SLC67A2: variants seen among roughly 807,000 people sequenced by gnomAD.
SLC67A2 encodes solute carrier family 67 member 2.
chr2:102,734,069 G>A, the SLC67A2 span, among the ~76,000 whole-genome samples: 2 of 152,128 alleles, frequency 1.3e-5, no homozygotes, highest in Admixed American at 1.3e-4. Context: ...CGCTGCATTT[G>A]GCATCTGGTC....
At chr2:102,733,696 T>C in the SLC67A2 span, among the ~76,000 whole-genome samples, 6 of 152,144 alleles carry the variant, frequency 3.9e-5, no homozygotes, top group East Asian at 1.2e-3. Context: ...AGCCACCTAT[T>C]GAATCTTCTG....
the SLC67A2 span, among the ~76,000 whole-genome samples, chr2:102,720,872 G>A: frequency 1.3e-5 from 2 of 152,212 alleles, no homozygotes; most frequent in African/African-American, 2.4e-5. Context: ...TAGTCATTCA[G>A]GGGTAAAGGA....
the SLC67A2 span, among the ~76,000 whole-genome samples, chr2:102,728,616 A>G: frequency 6.6e-6 from 1 of 152,092 alleles, no homozygotes; most frequent in Non-Finnish European, 1.5e-5. Context: ...GAAATTCCCC[A>G]TACTCTTTTG....
At chr2:102,716,459 T>C in the SLC67A2 span, 5 of 152,228 alleles carry the variant, frequency 3.3e-5, no homozygotes, top group African/African-American at 1.2e-4. Flanking sequence ...ATTTTATATA[T>C]TAATAATAGT....
At chr2:102,718,456 A>G in the SLC67A2 span, 9 of 1,614,020 alleles carry the variant, frequency 5.6e-6, no homozygotes, top group Admixed American at 1.7e-5. Context: ...CATCACCACT[A>G]GAGTGTCGCT....
the SLC67A2 span, chr2:102,718,901 C>T: frequency 3.1e-6 from 5 of 1,614,228 alleles, no homozygotes; most frequent in Non-Finnish European, 4.2e-6. Context: ...GGGCCGCACC[C>T]CAAAGCGCTC....
chr2:102,736,773 G>C, the SLC67A2 span: 2 of 1,613,548 alleles, frequency 1.2e-6, no homozygotes, highest in Non-Finnish European at 1.7e-6. Context: ...GACCAGCCTC[G>C]GGGCCGAGTT....
At chr2:102,719,104 T>C in the SLC67A2 span, 7 of 1,614,222 alleles carry the variant, frequency 4.3e-6, no homozygotes, top group Non-Finnish European at 5.1e-6. Context: ...CCTCCTGCAC[T>C]GTGTCATGGC....
the SLC67A2 span, chr2:102,717,815 G>A: frequency 6.6e-6 from 1 of 152,602 alleles, no homozygotes; most frequent in Non-Finnish European, 1.5e-5. Context: ...GGATTTCTTG[G>A]CCCCACCCAG....
chr2:102,719,726 TAAGAA>T, the SLC67A2 span, among the ~76,000 whole-genome samples: 1 of 152,112 alleles, frequency 6.6e-6, no homozygotes, highest in South Asian at 2.1e-4. Flanking sequence ...GAGGTTCAGA[TAAGAA>T]AAGAGGCAAC....
At chr2:102,736,847 G>A in the SLC67A2 span, 12 of 1,568,624 alleles carry the variant, frequency 7.7e-6, no homozygotes, top group Middle Eastern at 2.2e-4. Context: ...AGCAGCAGCC[G>A]CGGACCTACC....
the SLC67A2 span, among the ~76,000 whole-genome samples, chr2:102,727,501 T>C: frequency 3.9e-5 from 6 of 152,248 alleles, no homozygotes; most frequent in Non-Finnish European, 5.9e-5. Context: ...AAACTTTGCC[T>C]TTGTTACCAT....
chr2:102,716,371 T>C, the SLC67A2 span: 11 of 152,350 alleles, frequency 7.2e-5, no homozygotes, highest in East Asian at 9.6e-4. Context: ...TTCTATTTCA[T>C]TGCATAAACC....
the SLC67A2 span, chr2:102,716,749 C>G: frequency 6.6e-6 from 1 of 152,178 alleles, no homozygotes; most frequent in African/African-American, 2.4e-5. Context: ...AACAGGCATA[C>G]CATCCTAGTG....
the SLC67A2 span, chr2:102,716,917 C>T: frequency 7.9e-5 from 12 of 152,364 alleles, no homozygotes; most frequent in East Asian, 3.9e-4. Context: ...CTCTGCCTCT[C>T]GTGGCCCCCT....
the SLC67A2 span, chr2:102,732,076 C>T: frequency 1.6e-6 from 1 of 619,700 alleles, no homozygotes; most frequent in East Asian, 3.5e-5. Flanking sequence ...TACCTGTTGC[C>T]ACTAGTGGCA....
the SLC67A2 span, chr2:102,723,963 T>C: frequency 4.9e-3 from 7,107 of 1,446,152 alleles, 294 homozygotes; most frequent in African/African-American, 0.087. Context: ...ATAAGTATCT[T>C]ACTTATGATC....
chr2:102,734,594 A>G, the SLC67A2 span, among the ~76,000 whole-genome samples: 1 of 152,330 alleles, frequency 6.6e-6, no homozygotes, highest in East Asian at 1.9e-4. Flanking sequence ...CCTAACAATC[A>G]TCTGTTAGGT....
the SLC67A2 span, chr2:102,730,975 C>T: frequency 7.1e-6 from 11 of 1,540,684 alleles, no homozygotes; most frequent in East Asian, 1.6e-4. Flanking sequence ...AACTTCAAGT[C>T]CCCAATTTTA....
Sources: allele counts gnomAD v4.1 joint callset (sites outside exome capture counted in the v4.1 genomes callset), GRCh38; gene constraint gnomAD v4.1.1; transcripts MANE v1.5; gene names NCBI Gene and HGNC (gene_info 2026-07-23, HGNC 2026-07-21).